ACER3: variants seen among roughly 807,000 people sequenced by gnomAD.
The protein encoded by ACER3 is alkCDase 3.
A neutral mutation model predicts 48.9 loss-of-function variants in ACER3; 16 were observed. The ratio of observed to expected loss-of-function variants is 0.33; its 90% CI spans 0.22 to 0.50. The LOEUF is 0.50. ACER3 is among the 20% of genes least tolerant of loss of function. The pLI is 0.98. For synonymous variants in ACER3, 109 were observed against 107.8 expected, an observed-to-expected ratio of 1.01 and a Z score of -0.07; for missense variants, 227 against 326.0, an observed-to-expected ratio of 0.70 and a Z score of 2.34.
intron 1 of ACER3, among the ~76,000 whole-genome samples, chr11:76,894,443 G>T (rs898965243): frequency 1.3e-5 from 2 of 152,104 alleles, no homozygotes; most frequent in Non-Finnish European, 2.9e-5. Context: ...ACAAAAATTG[G>T]AGGCCACATA....
At chr11:76,996,329 C>A (rs1948908779) in intron 6 of ACER3, among the ~76,000 whole-genome samples, 1 of 152,156 alleles carries the variant, frequency 6.6e-6, no homozygotes, top group East Asian at 1.9e-4. Context: ...CCACTCAGCA[C>A]AACAGGGACA....
chr11:76,942,900 C>G (rs1172967631), intron 2 of ACER3, among the ~76,000 whole-genome samples: 2 of 151,960 alleles, frequency 1.3e-5, no homozygotes, highest in Non-Finnish European at 2.9e-5. Context: ...TCATTTCTTC[C>G]TGGTTTAGTT....
intron 3 of ACER3, among the ~76,000 whole-genome samples, chr11:76,974,507 G>A (rs904126173): frequency 6.6e-6 from 1 of 152,190 alleles, no homozygotes; most frequent in African/African-American, 2.4e-5. Flanking sequence ...TCAGGAAGTA[G>A]AAGTCAGATA....
intron 1 of ACER3, among the ~76,000 whole-genome samples, chr11:76,883,692 A>T (rs1195328763): frequency 6.6e-6 from 1 of 151,212 alleles, no homozygotes; most frequent in Admixed American, 6.6e-5. Context: ...TGATCCACCC[A>T]CCTCGGCCCC....
At chr11:76,946,312 G>A (rs1035795238) in intron 2 of ACER3, among the ~76,000 whole-genome samples, 1 of 151,752 alleles carries the variant, frequency 6.6e-6, no homozygotes, top group Admixed American at 6.6e-5. Flanking sequence ...GGAGGGAAGG[G>A]TGCATCTTAG....
At chr11:76,884,170 G>A (rs1008762822) in intron 1 of ACER3, among the ~76,000 whole-genome samples, 9 of 151,872 alleles carry the variant, frequency 5.9e-5, no homozygotes, top group African/African-American at 1.5e-4. Context: ...TTTTTTATTC[G>A]GCGGTAGACT....
chr11:76,979,654 C>G (rs543850499), intron 4 of ACER3, among the ~76,000 whole-genome samples: 2 of 151,306 alleles, frequency 1.3e-5, no homozygotes, highest in South Asian at 4.2e-4. Flanking sequence ...CCCTGTCCCC[C>G]CCAGAAAAAA....
Position 77,025,347 on chromosome 11 carries a change from T to A in ACER3, c.*5020T>A, listed in dbSNP as rs1949533894. The stretch of plus-strand genomic sequence containing the variant: ...CATGGGCCAAATTCAGGCTGCGTTG[T>A]ATGGCCTGCAAGGTAAGAATGGTTA... On this transcript the variant is annotated 3_prime_UTR_variant, in exon 11 of 11. Transcript: ENST00000532485. 1 of 150,592 alleles carries A rather than the reference T, an allele frequency of 6.6e-6. No individual in the cohort carries two copies. The highest frequency in any genetic ancestry group is 1.9e-4 in the East Asian group (1 of 5,158). 9.3% of individuals were successfully genotyped at this position (150,592 alleles called of 1,614,324 possible). A position where few individuals can be genotyped will look rare whatever the true frequency, so the allele number is the denominator to read the frequency against.
At chr11:76,990,513 C>T in intron 5 of ACER3, 26 bp from the exon 6 acceptor site, 2 of 1,467,464 alleles carry the variant, frequency 1.4e-6, no homozygotes, top group Non-Finnish European at 1.9e-6. Context: ...ACTTCATTCA[C>T]ATGTGTTTTT....
intron 7 of ACER3, among the ~76,000 whole-genome samples, chr11:77,007,045 G>A (rs898168556): frequency 8.6e-5 from 13 of 151,160 alleles, no homozygotes; most frequent in African/African-American, 1.9e-4. Flanking sequence ...CCAGGAGTTC[G>A]AGGCTGCAGT....
chr11:77,017,625 A>C (rs1949395892), intron 9 of ACER3, among the ~76,000 whole-genome samples: 2 of 152,256 alleles, frequency 1.3e-5, no homozygotes, highest in African/African-American at 4.8e-5. Flanking sequence ...AAATAATTCC[A>C]ACATTCATAT....
chr11:76,933,792 G>A (rs1947084719), intron 2 of ACER3, among the ~76,000 whole-genome samples: 2 of 152,216 alleles, frequency 1.3e-5, no homozygotes, highest in African/African-American at 4.8e-5. Flanking sequence ...TCAATGAGCT[G>A]TTGGGTACAC....
intron 1 of ACER3, among the ~76,000 whole-genome samples, chr11:76,886,867 G>A (rs1283956877): frequency 2.0e-5 from 3 of 152,016 alleles, no homozygotes; most frequent in Non-Finnish European, 2.9e-5. Flanking sequence ...TTGTAGAGAC[G>A]GGGTTTTGGC....
intron 1 of ACER3, among the ~76,000 whole-genome samples, chr11:76,891,054 G>A (rs1368345851): frequency 6.6e-6 from 1 of 151,894 alleles, no homozygotes; most frequent in African/African-American, 2.4e-5. Context: ...AGGAGGTGGA[G>A]GTTACAGTGA....
At chr11:76,887,246 C>A (rs1212342823) in intron 1 of ACER3, among the ~76,000 whole-genome samples, 1 of 152,070 alleles carries the variant, frequency 6.6e-6, no homozygotes. Flanking sequence ...CAGAGCAAGA[C>A]CCTGTCTCCA....
intron 2 of ACER3, among the ~76,000 whole-genome samples, chr11:76,948,713 A>G (rs1947551399): frequency 6.6e-6 from 1 of 152,224 alleles, no homozygotes; most frequent in African/African-American, 2.4e-5. Flanking sequence ...ATGGTAAACC[A>G]TGATGTGATT....
chr11:76,892,413 C>T (rs143721964), intron 1 of ACER3, among the ~76,000 whole-genome samples: 2 of 152,140 alleles, frequency 1.3e-5, no homozygotes, highest in African/African-American at 2.4e-5. Context: ...ATAGGAAAGA[C>T]CATGCAAATA....
intron 1 of ACER3, among the ~76,000 whole-genome samples, chr11:76,891,186 A>G (rs1013364272): frequency 6.6e-6 from 1 of 151,286 alleles, no homozygotes; most frequent in Non-Finnish European, 1.5e-5. Flanking sequence ...CATATAGAAT[A>G]CAAATGAATG....
At chr11:77,005,991 ATTTTTTTTT>A (rs1228374444) in intron 7 of ACER3, among the ~76,000 whole-genome samples, 18 of 100,862 alleles carry the variant, frequency 1.8e-4, no homozygotes, top group African/African-American at 6.7e-4. Flanking sequence ...ATATATATAT[ATTTTTTTTT>A]TTTTTTGAGC....
Sources: gnomAD v4.1 joint callset for allele counts (sites outside exome capture counted in the v4.1 genomes callset) on GRCh38, gnomAD v4.1.1 for gene constraint, MANE v1.5 for transcripts, NCBI Gene and HGNC (gene_info 2026-07-23, HGNC 2026-07-21) for gene names.